GRM1: variants seen among roughly 807,000 people sequenced by gnomAD.
GRM1 encodes glutamate metabotropic receptor 1, also known as metabotropic glutamate receptor 1.
A neutral mutation model predicts 90.9 loss-of-function variants in GRM1; 33 were observed. The observed-to-expected ratio is 0.36, with a 90% confidence interval of 0.28 to 0.49. GRM1 has a LOEUF of 0.49. Among genes scored for constraint, GRM1 ranks in the 20% least tolerant of loss-of-function variants. The pLI is 0.99. For missense variants in GRM1, 1,190 were observed against 1,534.3 expected, an observed-to-expected ratio of 0.78 and a Z score of 3.75; for synonymous variants, 700 against 613.2, an observed-to-expected ratio of 1.14 and a Z score of -2.09.
chr6:146,377,778 G>C (rs968973152), intron 5 of GRM1, among the ~76,000 whole-genome samples: 4 of 152,162 alleles, frequency 2.6e-5, no homozygotes, highest in African/African-American at 9.6e-5. Flanking sequence ...GGAAAAAAAG[G>C]CTTCCTGGAT....
Position 146,123,949 on chromosome 6 carries a change from A to T in GRM1, c.701-35399A>T, listed in dbSNP as rs532620059. Among the ~76,000 whole-genome samples the T allele has an allele frequency of 3.9e-5, 6 of 152,130 alleles. No individual in the cohort carries two copies. The South Asian group carries it at 1.2e-3, about 32-fold the overall frequency. On this transcript the variant is annotated intron_variant, in intron 1 of 7. Coordinates refer to ENST00000282753, the MANE Select transcript of GRM1 (RefSeq NM_001278064.2). Reference sequence around the variant, plus strand: ...CAGATATCCATCATGAAGCAGAAAAACTCTGTTTCGAGTTTTAGTAATAAA... The same window carrying T: ...CAGATATCCATCATGAAGCAGAAAATCTCTGTTTCGAGTTTTAGTAATAAA...
At chr6:146,037,747 C>T (rs1291035238) in intron 1 of GRM1, among the ~76,000 whole-genome samples, 3 of 152,044 alleles carry the variant, frequency 2.0e-5, no homozygotes, top group African/African-American at 7.2e-5. Context: ...CTTGCCTTCT[C>T]TTTAGCAACC....
At chr6:146,194,015 A>C (rs932726682) in intron 2 of GRM1, among the ~76,000 whole-genome samples, 1 of 152,084 alleles carries the variant, frequency 6.6e-6, no homozygotes, top group African/African-American at 2.4e-5. Context: ...TGGAAGTTCA[A>C]TATCTTCATA....
Position 146,053,492 on chromosome 6 carries a change from A to G in GRM1, c.700+23275A>G, listed in dbSNP as rs1562431893. ...TTAGAGGCTGAAGGGATTTCAGATT[A>G]TCTATTCCAGGAACCTCATTTTGCA... On this transcript the variant is annotated intron_variant, in intron 1 of 7. Coordinates refer to ENST00000282753, the MANE Select transcript of GRM1 (RefSeq NM_001278064.2). 5.9e-5 allele frequency among the ~76,000 whole-genome samples: 9 copies of G among 152,236 alleles called. No individual in the cohort carries two copies. The South Asian group carries it at 1.9e-3, about 32-fold the overall frequency.
At position 146,434,849 on chromosome 6, in the gene GRM1, C is replaced by T; in HGVS notation, c.*53C>T. ...GACAAGCCAGAGATCTCCCACACCT[C>T]CAGAGATGTGCAAACAGCTGGGAGG... On this transcript the variant is annotated 3_prime_UTR_variant, in exon 8 of 8. Transcript: ENST00000282753. 2 of 1,454,336 alleles carry T rather than the reference C, an allele frequency of 1.4e-6. No individual in the cohort carries two copies. 90.1% of individuals were successfully genotyped at this position (1,454,336 alleles called of 1,614,324 possible).
intron 2 of GRM1, among the ~76,000 whole-genome samples, chr6:146,271,842 A>G (rs1016809747): frequency 6.6e-6 from 1 of 152,230 alleles, no homozygotes; most frequent in African/African-American, 2.4e-5. Flanking sequence ...ACCCATTAGA[A>G]GAATGAGTCT....
intron 6 of GRM1, among the ~76,000 whole-genome samples, chr6:146,389,575 A>G (rs1056362518): frequency 6.6e-6 from 1 of 152,096 alleles, no homozygotes; most frequent in Admixed American, 6.6e-5. Context: ...AAATATTTTT[A>G]AAATTCTCCT....
intron 7 of GRM1, among the ~76,000 whole-genome samples, chr6:146,406,342 TATC>T (rs1417169282): frequency 1.3e-5 from 2 of 152,180 alleles, no homozygotes; most frequent in Non-Finnish European, 2.9e-5. Flanking sequence ...GCTGGGAACT[TATC>T]ATCATTTTTA....
At chr6:146,164,148 C>T (rs967268703) in intron 2 of GRM1, among the ~76,000 whole-genome samples, 1 of 151,946 alleles carries the variant, frequency 6.6e-6, no homozygotes, top group African/African-American at 2.4e-5. Flanking sequence ...AAAATAGCTA[C>T]CATTTATTGA....
chr6:146,029,942 C>G lies in GRM1; in HGVS notation c.425C>G (p.Pro142Arg), dbSNP rs1408487042. Residue 142 changes from proline (P) to arginine (R), a missense_variant, in exon 1 of 8, where the codon CCT becomes CGT. This residue lies in a region of GRM1 where 91 missense variants were observed against 95.6 expected (regional missense o/e 0.95). Transcript: ENST00000282753. ...AAGGATGGGATCAACCGGTGTCTGC[C>G]TGACGGCCAGTCCCTCCCCCCAGGC... ...DEKDGINRCL[P>R]DGQSLPPGRT... 1 of 1,614,132 alleles carries G rather than the reference C, an allele frequency of 6.2e-7. No individual in the cohort carries two copies.
In GRM1 at chr6:146,434,247, C is replaced by T. The variant is rs533435048; in HGVS notation, c.3036C>T (p.Gly1012=). 5.8e-5 allele frequency: 93 copies of T among 1,601,816 alleles called. 1 individual carries two copies. The South Asian group carries it at 7.7e-4, about 13-fold the overall frequency. The change falls in exon 8 of 8, where the codon GGC becomes GGT. Residue 1012 remains glycine, a synonymous_variant. Coordinates refer to ENST00000282753, the MANE Select transcript of GRM1 (RefSeq NM_001278064.2). ...TGGCCGAACCAGCCCTCCCCAAGGG[C>T]TTGCCCCCTCCTCTCCAGCAGCAGC... ...LFLAEPALPK[G]LPPPLQQQQQ... is the part of the protein sequence containing the mutation.
intron 7 of GRM1, among the ~76,000 whole-genome samples, chr6:146,402,516 G>A (rs955313251): frequency 2.6e-5 from 4 of 152,062 alleles, no homozygotes; most frequent in African/African-American, 9.7e-5. Flanking sequence ...GTAGAGTTTT[G>A]CCAACTGAAG....
intron 1 of GRM1, among the ~76,000 whole-genome samples, chr6:146,105,470 A>AT (rs1777195898): frequency 6.6e-6 from 1 of 152,160 alleles, no homozygotes; most frequent in South Asian, 2.1e-4. Context: ...GCAAATAACA[A>AT]TTTTTTATAA....
rs192461251 is a variant in GRM1 at position 146,421,246 on chromosome 6, G to A, written c.2661-12626G>A. On this transcript the variant is annotated intron_variant, in intron 7 of 7. Transcript: ENST00000282753. ...AGTATTGATAAAATAGCAAAATGTA[G>A]GAAAAAAACTAAATGGTCATCAGTA... 2.2e-4 allele frequency among the ~76,000 whole-genome samples: 33 copies of A among 152,012 alleles called. No individual in the cohort carries two copies. The East Asian group carries it at 6.0e-3, about 28-fold the overall frequency.
At chr6:146,079,150 G>A (rs1344970202) in intron 1 of GRM1, among the ~76,000 whole-genome samples, 1 of 152,140 alleles carries the variant, frequency 6.6e-6, no homozygotes, top group African/African-American at 2.4e-5. Flanking sequence ...GATGATCAGG[G>A]GAGCCCTTTT....
chr6:146,405,833 G>T (rs1227469844), intron 7 of GRM1, among the ~76,000 whole-genome samples: 3 of 152,108 alleles, frequency 2.0e-5, no homozygotes, highest in African/African-American at 7.2e-5. Context: ...TTCAATAGAT[G>T]AATTTTGGGG....
In GRM1 at chr6:146,357,697, A is replaced by G; in HGVS notation, c.1602+3A>G. 6.2e-7 allele frequency: 1 copy of G among 1,612,636 alleles called. No homozygotes were observed. The highest frequency in any genetic ancestry group is 8.5e-7 in the Non-Finnish European group (1 of 1,178,728). ...CTTGCTTAAAGGGCCAGATTAAGGT[A>G]AGCCACAAATGCATTCTTGCATGGT... On this transcript the variant is annotated splice_donor_region_variant and intron_variant, in intron 5 of 7. Coordinates refer to ENST00000282753, the MANE Select transcript of GRM1 (RefSeq NM_001278064.2).
intron 2 of GRM1, among the ~76,000 whole-genome samples, chr6:146,242,436 A>G (rs1780899018): frequency 6.6e-6 from 1 of 152,148 alleles, no homozygotes; most frequent in Non-Finnish European, 1.5e-5. Flanking sequence ...GAGTATGGAA[A>G]AGACCTGGTA....
intron 1 of GRM1, among the ~76,000 whole-genome samples, chr6:146,050,213 T>A (rs1000860101): frequency 4.6e-5 from 7 of 152,018 alleles, no homozygotes; most frequent in African/African-American, 1.7e-4. Context: ...CAGAAGGACA[T>A]AGCCCAACTC....
Sources: gnomAD v4.1 joint callset for allele counts (sites outside exome capture counted in the v4.1 genomes callset) on GRCh38, gnomAD v4.1.1 for gene constraint, gnomAD v4.1.1 regional missense constraint, MANE v1.5 for transcripts, NCBI Gene and HGNC (gene_info 2026-07-23, HGNC 2026-07-21) for gene names.